Variants in EHBP1 observed in about 807,000 individuals in gnomAD.
The protein encoded by EHBP1 is EH domain binding protein 1, also known as EH domain-binding protein 1.
EHBP1 carries 55 observed loss-of-function variants against 144.0 expected under a neutral mutation model. The observed-to-expected ratio is 0.38, with a 90% CI of 0.31 to 0.48. EHBP1 has a LOEUF of 0.48. Ranked by LOEUF, EHBP1 falls within the 20% of genes least tolerant of loss-of-function variation. EHBP1 has a pLI of 0.98. For missense variants in EHBP1, 1,200 were observed against 1,364.2 expected (o/e 0.88, Z 1.90); for synonymous variants, 469 against 472.7 (o/e 0.99, Z 0.10).
intron 1 of EHBP1, among the ~76,000 whole-genome samples, chr2:62,683,860 GC>G (rs2151734140): frequency 6.6e-6 from 1 of 152,204 alleles, no homozygotes; most frequent in Non-Finnish European, 1.5e-5. Flanking sequence ...CCAGGCAGCT[GC>G]AGGACCAGAG....
At chr2:63,037,287 T>G (rs2061479342) in intron 19 of EHBP1, among the ~76,000 whole-genome samples, 1 of 151,968 alleles carries the variant, frequency 6.6e-6, no homozygotes, top group South Asian at 2.1e-4. Context: ...GACATTTTGT[T>G]TACTGTACTT....
intron 1 of EHBP1, among the ~76,000 whole-genome samples, chr2:62,691,341 T>C (rs181852047): frequency 3.3e-5 from 5 of 152,300 alleles, no homozygotes; most frequent in South Asian, 2.1e-4. Context: ...TGGTCCAAGA[T>C]AGTCGCTAAA....
intron 8 of EHBP1, among the ~76,000 whole-genome samples, chr2:62,860,907 C>T (rs905533637): frequency 1.3e-5 from 2 of 152,006 alleles, no homozygotes; most frequent in Admixed American, 1.3e-4. Context: ...GTGTCAACCA[C>T]TGATCTTTTT....
intron 13 of EHBP1, among the ~76,000 whole-genome samples, chr2:62,955,139 A>G (rs1450038949): frequency 1.3e-5 from 2 of 152,132 alleles, no homozygotes; most frequent in Non-Finnish European, 2.9e-5. Context: ...ACATGTTGTT[A>G]TCAATTCTAT....
chr2:62,960,689 A>C (rs2153131918), intron 14 of EHBP1, among the ~76,000 whole-genome samples: 1 of 152,300 alleles, frequency 6.6e-6, no homozygotes, highest in South Asian at 2.1e-4. Context: ...ACCTAATAAA[A>C]AATTAGCTTA....
intron 2 of EHBP1, among the ~76,000 whole-genome samples, chr2:62,739,935 GA>G (rs66665657): frequency 0.43 from 41,580 of 97,038 alleles, 5,944 homozygotes; most frequent in Middle Eastern, 0.52. Flanking sequence ...GCCTGTCTCA[GA>G]AAAAAAAAAA....
At chr2:62,842,972 T>G (rs1427634240) in intron 7 of EHBP1, among the ~76,000 whole-genome samples, 1 of 152,192 alleles carries the variant, frequency 6.6e-6, no homozygotes, top group Non-Finnish European at 1.5e-5. Flanking sequence ...ATTATTAGAT[T>G]TCATAGCTAA....
intron 1 of EHBP1, among the ~76,000 whole-genome samples, chr2:62,699,539 T>C (rs2034209937): frequency 6.6e-6 from 1 of 152,218 alleles, no homozygotes; most frequent in Non-Finnish European, 1.5e-5. Context: ...TTCACCATTA[T>C]GAAAGTATCT....
In EHBP1 at chr2:62,965,302, G is replaced by A. The variant is rs552768409; in HGVS notation, c.2460+9642G>A. On this transcript the variant is annotated intron_variant, in intron 14 of 22. Coordinates refer to ENST00000431489, the MANE Select transcript of EHBP1 (RefSeq NM_001142616.3). ...AACATCTTACTCTATTTTGTGAAATGTTTAGCAAGTTTATTTTCCTCTCTC... is the reference window on the plus strand; with the variant it reads ...AACATCTTACTCTATTTTGTGAAATATTTAGCAAGTTTATTTTCCTCTCTC... Among the ~76,000 whole-genome samples, 17 of 152,264 alleles carry A rather than the reference G, an allele frequency of 1.1e-4. No individual in the cohort carries two copies. In the South Asian group the frequency reaches 1.5e-3, roughly 13 times the overall value.
At chr2:62,907,473 G>A (rs2053893509) in intron 10 of EHBP1, among the ~76,000 whole-genome samples, 1 of 152,106 alleles carries the variant, frequency 6.6e-6, no homozygotes, top group Non-Finnish European at 1.5e-5. Context: ...TCACAGTTTT[G>A]GAGACTGGAA....
Position 62,975,527 on chromosome 2 carries a change from G to C in EHBP1, c.2461-3661G>C, listed in dbSNP as rs143428535. Among the ~76,000 whole-genome samples, 285 of 152,134 alleles carry C rather than the reference G, an allele frequency of 1.9e-3. 6 individuals carry two copies. The East Asian group carries it at 0.051, about 27-fold the overall frequency. On this transcript the variant is annotated intron_variant, in intron 14 of 22. Coordinates refer to ENST00000431489, the MANE Select transcript of EHBP1 (RefSeq NM_001142616.3). ...GCTTTAATTACAGTTGATGATCCTT[G>C]CCAGAATCATTCATTATGATTTGCA...
In EHBP1 at chr2:62,741,061, T is replaced by C. The variant is rs2038659341; in HGVS notation, c.105-6334T>C. ...CTCAATGTAGAGAGGGTGTTCCAGGTCAACTGGCCTTCTGTGTGGTCACTC... is the reference window on the plus strand; with the variant it reads ...CTCAATGTAGAGAGGGTGTTCCAGGCCAACTGGCCTTCTGTGTGGTCACTC... On this transcript the variant is annotated intron_variant, in intron 2 of 22. Coordinates refer to ENST00000431489, the MANE Select transcript of EHBP1 (RefSeq NM_001142616.3). Among the ~76,000 whole-genome samples, 3 of 152,316 alleles carry C rather than the reference T, an allele frequency of 2.0e-5. 1 individual carries two copies. The South Asian group carries it at 6.2e-4, about 32-fold the overall frequency.
chr2:62,709,969 A>G (rs1212085298), intron 2 of EHBP1, among the ~76,000 whole-genome samples: 1 of 152,028 alleles, frequency 6.6e-6, no homozygotes, highest in Non-Finnish European at 1.5e-5. Context: ...GGCTTTAGCA[A>G]ATTTGGAGAT....
At chr2:62,882,366 A>T (rs2152878485) in intron 10 of EHBP1, among the ~76,000 whole-genome samples, 1 of 152,312 alleles carries the variant, frequency 6.6e-6, no homozygotes, top group East Asian at 1.9e-4. Context: ...GCAAAAGGAG[A>T]TGGCCAATTC....
At chr2:63,019,917 G>C (rs926691742) in intron 19 of EHBP1, among the ~76,000 whole-genome samples, 2 of 149,800 alleles carry the variant, frequency 1.3e-5, no homozygotes. Context: ...GGCTGGGTGC[G>C]GTGGCTCATG....
In EHBP1 at chr2:62,888,050, C is replaced by A. The variant is rs140587455; in HGVS notation, c.1185+13518C>A. 4.0e-3 allele frequency among the ~76,000 whole-genome samples: 612 copies of A among 152,242 alleles called. 4 individuals are homozygous for A. Among genetic ancestry groups the A allele is most frequent in the Middle Eastern group, 0.034 (10 of 294 alleles). ...ATATTTGGATGTGTGCACTTCATGG[C>A]CTGGACTAGGGTGAGGCAAGAGAAA... is the stretch of plus-strand genomic sequence containing the variant. On this transcript the variant is annotated intron_variant, in intron 10 of 22. Coordinates refer to ENST00000431489, the MANE Select transcript of EHBP1 (RefSeq NM_001142616.3).
At chr2:63,010,522 G>A (rs1227711652) in intron 19 of EHBP1, among the ~76,000 whole-genome samples, 2 of 151,398 alleles carry the variant, frequency 1.3e-5, no homozygotes, top group East Asian at 1.9e-4. Context: ...TAAAAAAATC[G>A]TAGTCTACCT....
chr2:62,696,785 G>A (rs567106625), intron 1 of EHBP1, among the ~76,000 whole-genome samples: 1 of 151,848 alleles, frequency 6.6e-6, no homozygotes, highest in South Asian at 2.1e-4. Flanking sequence ...CCAAAGTGCT[G>A]GGATTACAGG....
chr2:62,725,843 G>A (rs1389303869), intron 2 of EHBP1, among the ~76,000 whole-genome samples: 1 of 152,142 alleles, frequency 6.6e-6, no homozygotes, highest in East Asian at 1.9e-4. Flanking sequence ...TACAGTGTGG[G>A]GAGGAAGCAG....
Sources: gnomAD v4.1 joint callset for allele counts (sites outside exome capture counted in the v4.1 genomes callset) on GRCh38, gnomAD v4.1.1 for gene constraint, MANE v1.5 for transcripts, NCBI Gene and HGNC (gene_info 2026-07-23, HGNC 2026-07-21) for gene names.